MTSS1: variants seen among roughly 807,000 people sequenced by gnomAD.
The protein encoded by MTSS1 is protein MTSS 1.
In MTSS1, 18 loss-of-function variants were observed where a neutral mutation model predicts 79.0. The observed-to-expected ratio is 0.23, with a 90% CI of 0.16 to 0.34. The LOEUF (loss-of-function observed/expected upper bound fraction) is 0.34. Ranked by LOEUF, MTSS1 falls within the 10% of genes least tolerant of loss-of-function variation. The pLI is 1.00. For synonymous variants in MTSS1, 341 were observed against 368.6 expected, an observed-to-expected ratio of 0.93 and a Z score of 0.86; for missense variants, 815 against 986.2, an observed-to-expected ratio of 0.83 and a Z score of 2.33.
chr8:124,555,254 A>T (rs933137905), intron 13 of MTSS1, among the ~76,000 whole-genome samples: 42 of 151,012 alleles, frequency 2.8e-4, no homozygotes, highest in African/African-American at 9.7e-4. Context: ...ATTTATTATT[A>T]TTTTTTTTTG....
intron 1 of MTSS1, among the ~76,000 whole-genome samples, chr8:124,709,479 G>A (rs910357048): frequency 3.9e-5 from 6 of 152,100 alleles, no homozygotes; most frequent in East Asian, 3.9e-4. Flanking sequence ...CAAAACTCCC[G>A]CCACGCCCCG....
chr8:124,596,289 G>A (rs1213894598), intron 3 of MTSS1, among the ~76,000 whole-genome samples: 3 of 152,146 alleles, frequency 2.0e-5, no homozygotes, highest in East Asian at 3.9e-4. Flanking sequence ...AGGAACCAAC[G>A]TGTTGCTAAA....
intron 11 of MTSS1, 106 bp downstream of exon 11, chr8:124,557,575 G>A (rs1242449121): frequency 4.2e-6 from 5 of 1,178,686 alleles, no homozygotes; most frequent in Non-Finnish European, 5.9e-6. Flanking sequence ...AAGGCAGAGT[G>A]TGAAAGGAAG....
At chr8:124,590,986 T>G (rs1283627438) in intron 4 of MTSS1, among the ~76,000 whole-genome samples, 165 bp downstream of exon 4, 1 of 150,716 alleles carries the variant, frequency 6.6e-6, no homozygotes, top group Non-Finnish European at 1.5e-5. Flanking sequence ...CCCCAGGGCC[T>G]CGACCAGTGC....
chr8:124,668,371 CA>C (rs1403872561), intron 3 of MTSS1, among the ~76,000 whole-genome samples: 1 of 152,200 alleles, frequency 6.6e-6, no homozygotes, highest in Non-Finnish European at 1.5e-5. Context: ...ATCCAACAGA[CA>C]GACAAAGCCA....
chr8:124,693,269 G>A (rs1270462288), intron 3 of MTSS1, among the ~76,000 whole-genome samples: 2 of 152,194 alleles, frequency 1.3e-5, no homozygotes, highest in African/African-American at 4.8e-5. Flanking sequence ...TCATCGGACA[G>A]GTGGGTTATG....
intron 6 of MTSS1, among the ~76,000 whole-genome samples, chr8:124,569,277 G>A (rs575035342): frequency 4.7e-4 from 72 of 152,300 alleles, no homozygotes; most frequent in African/African-American, 1.7e-3. Context: ...TTAAGACAGG[G>A]TGTTAGTCTT....
chr8:124,724,143 T>TA (rs560522450), intron 1 of MTSS1, among the ~76,000 whole-genome samples: 16 of 148,954 alleles, frequency 1.1e-4, no homozygotes, highest in East Asian at 5.9e-4. Flanking sequence ...CAGTGAGGGG[T>TA]AAAAAAAAAA....
intron 5 of MTSS1, among the ~76,000 whole-genome samples, chr8:124,588,130 C>T (rs1016543349): frequency 1.3e-5 from 2 of 152,088 alleles, no homozygotes; most frequent in African/African-American, 4.8e-5. Flanking sequence ...TTGAATGAAC[C>T]GGCAACTTTC....
At chr8:124,579,840 C>T (rs764847928) in intron 6 of MTSS1, 1 of 152,330 alleles carries the variant, frequency 6.6e-6, no homozygotes, top group African/African-American at 2.4e-5. Context: ...ACCACACAGA[C>T]ACCTCGCAGA....
intron 3 of MTSS1, among the ~76,000 whole-genome samples, chr8:124,628,770 C>CCCT (rs1218935424): frequency 2.6e-5 from 4 of 152,316 alleles, no homozygotes; most frequent in Admixed American, 2.0e-4. Context: ...CTCGCAACAA[C>CCCT]CCTCTGAGGC....
intron 3 of MTSS1, chr8:124,698,164 C>G (rs933575570): frequency 6.6e-6 from 1 of 152,166 alleles, no homozygotes; most frequent in African/African-American, 2.4e-5. Flanking sequence ...GGAGTTTGTT[C>G]AATGAATGAG....
At chr8:124,612,741 C>T (rs1402037739) in intron 3 of MTSS1, among the ~76,000 whole-genome samples, 1 of 152,000 alleles carries the variant, frequency 6.6e-6, no homozygotes. Flanking sequence ...TAGATTAACA[C>T]TGAATTGTAT....
At chr8:124,562,722 A>G in intron 10 of MTSS1, 60 bp downstream of exon 10, 9 of 1,525,684 alleles carry the variant, frequency 5.9e-6, no homozygotes, top group Non-Finnish European at 8.2e-6. Context: ...GGTTCTGGCC[A>G]CTGACAGTGG....
intron 3 of MTSS1, among the ~76,000 whole-genome samples, chr8:124,633,215 C>A (rs1192316568): frequency 6.6e-6 from 1 of 152,028 alleles, no homozygotes; most frequent in African/African-American, 2.4e-5. Context: ...CTGGAAATTT[C>A]TCCAGCCAAA....
Position 124,605,247 on chromosome 8 carries a change from G to A in MTSS1, c.209-14012C>T, listed in dbSNP as rs572526411. The stretch of plus-strand genomic sequence containing the variant: ...GCTCCTGCTGAAGCCAGGTCTGAGC[G>A]ACTCGATGACGCCAGCTCCTGCCAG... On this transcript the variant is annotated intron_variant, in intron 3 of 13. Transcript: ENST00000518547. 3.9e-5 allele frequency among the ~76,000 whole-genome samples: 6 copies of A among 152,310 alleles called. No homozygotes were observed. The South Asian group carries it at 8.3e-4, about 21-fold the overall frequency.
intron 3 of MTSS1, among the ~76,000 whole-genome samples, chr8:124,612,574 ATGTGTGTGTGTGTGTGTGTGTGTG>A (rs58367314): frequency 2.8e-4 from 28 of 99,576 alleles, no homozygotes; most frequent in African/African-American, 8.4e-4. Flanking sequence ...CAAGTTTAAA[ATGTGTGTGTGTGTGTGTGTGTGTG>A]TGTGTGTGTG....
intron 9 of MTSS1, 90 bp from the exon 10 acceptor site, chr8:124,563,082 T>C (rs2303955): frequency 0.41 from 466,307 of 1,129,506 alleles, 100,105 homozygotes; most frequent in Non-Finnish European, 0.45. Context: ...GGGGAACAGA[T>C]GAGGCAGAAG....
intron 3 of MTSS1, among the ~76,000 whole-genome samples, chr8:124,610,896 C>G (rs2133264599): frequency 6.6e-6 from 1 of 152,304 alleles, no homozygotes; most frequent in Middle Eastern, 3.4e-3. Flanking sequence ...CAATACAGAG[C>G]TAGTTTCCAA....
Sources: gnomAD v4.1 joint callset for allele counts (sites outside exome capture counted in the v4.1 genomes callset) on GRCh38, gnomAD v4.1.1 for gene constraint, MANE v1.5 for transcripts, NCBI Gene and HGNC (gene_info 2026-07-23, HGNC 2026-07-21) for gene names.